MAST2: variants seen among roughly 807,000 people sequenced by gnomAD.
MAST2 encodes microtubule associated serine/threonine kinase 2.
In MAST2, 70 loss-of-function variants were observed where a neutral mutation model predicts 147.4. The ratio of observed to expected loss-of-function variants is 0.47; its 90% CI spans 0.39 to 0.58. MAST2 has a LOEUF of 0.58. Among genes scored for constraint, MAST2 ranks in the 20% least tolerant of loss-of-function variants. The pLI, the probability that MAST2 is intolerant of heterozygous loss-of-function variation, is 0.00. For synonymous variants in MAST2, 869 were observed against 896.8 expected, an observed-to-expected ratio of 0.97 and a Z score of 0.55; for missense variants, 2,080 against 2,302.3, an observed-to-expected ratio of 0.90 and a Z score of 1.98.
intron 3 of MAST2, among the ~76,000 whole-genome samples, chr1:45,837,627 C>T (rs982498839): frequency 6.6e-6 from 1 of 152,058 alleles, no homozygotes; most frequent in Non-Finnish European, 1.5e-5. Context: ...TTATTTCTCT[C>T]GGGTAAATAC....
chr1:46,027,892 G>T (rs529555131), intron 17 of MAST2, 29 bp downstream of exon 17: 1 of 1,612,532 alleles, frequency 6.2e-7, no homozygotes, highest in Non-Finnish European at 8.5e-7. Flanking sequence ...TACACTGGGG[G>T]TTAAATTCTA....
intron 6 of MAST2, among the ~76,000 whole-genome samples, chr1:46,002,035 C>A (rs183944011): frequency 1.3e-5 from 2 of 152,242 alleles, no homozygotes; most frequent in Admixed American, 1.3e-4. Flanking sequence ...ATCACACGTT[C>A]ATATTATAAA....
At chr1:45,848,441 G>A (rs1196854617) in intron 3 of MAST2, among the ~76,000 whole-genome samples, 1 of 152,174 alleles carries the variant, frequency 6.6e-6, no homozygotes, top group Non-Finnish European at 1.5e-5. Flanking sequence ...TAAAAACTTT[G>A]GACACTGAGT....
intron 4 of MAST2, among the ~76,000 whole-genome samples, chr1:45,898,852 C>T (rs1444399065): frequency 1.3e-5 from 2 of 152,178 alleles, no homozygotes; most frequent in African/African-American, 2.4e-5. Flanking sequence ...GAGTTGGCCA[C>T]CTCAAGGGAG....
At chr1:45,956,041 A>G (rs992728761) in intron 4 of MAST2, among the ~76,000 whole-genome samples, 1 of 152,126 alleles carries the variant, frequency 6.6e-6, no homozygotes, top group Non-Finnish European at 1.5e-5. Flanking sequence ...TTGGGCAACT[A>G]CTAATCTGCA....
intron 4 of MAST2, among the ~76,000 whole-genome samples, chr1:45,937,691 G>T (rs558077192): frequency 7.2e-6 from 1 of 139,410 alleles, no homozygotes; most frequent in East Asian, 2.4e-4. Flanking sequence ...GGTGGAGGTT[G>T]CAGTGAGCCG....
chr1:45,977,526 G>A (rs1644217488), intron 5 of MAST2, among the ~76,000 whole-genome samples: 1 of 147,318 alleles, frequency 6.8e-6, no homozygotes. Context: ...AAGGCCGGGT[G>A]CAGTGGCTCA....
intron 4 of MAST2, among the ~76,000 whole-genome samples, chr1:45,923,582 C>T (rs1189013885): frequency 1.3e-5 from 2 of 152,046 alleles, no homozygotes; most frequent in African/African-American, 4.8e-5. Flanking sequence ...ATAAATTGCT[C>T]AGGATAACAC....
intron 1 of MAST2, among the ~76,000 whole-genome samples, chr1:45,813,438 T>C (rs1644362011): frequency 6.6e-6 from 1 of 151,766 alleles, no homozygotes; most frequent in Non-Finnish European, 1.5e-5. Flanking sequence ...CAAGCAATTC[T>C]CCTGCCTCAG....
chr1:45,872,389 C>A (rs1646430859), intron 3 of MAST2, among the ~76,000 whole-genome samples: 1 of 151,846 alleles, frequency 6.6e-6, no homozygotes, highest in Admixed American at 6.6e-5. Flanking sequence ...TTTGTCTTTT[C>A]TTTGGAAATA....
intron 10 of MAST2, 105 bp from the exon 11 acceptor site, chr1:46,019,491 A>T (rs537740453): frequency 3.5e-6 from 3 of 846,682 alleles, no homozygotes; most frequent in South Asian, 3.1e-5. Flanking sequence ...GGAGCTCTCT[A>T]TGCTACCGAA....
intron 5 of MAST2, among the ~76,000 whole-genome samples, chr1:45,971,418 A>G (rs1303742940): frequency 6.6e-6 from 1 of 152,186 alleles, no homozygotes; most frequent in Admixed American, 6.5e-5. Context: ...AAACAGAGAG[A>G]GTCAGTGGGG....
At chr1:45,887,743 G>T (rs1647158976) in intron 4 of MAST2, among the ~76,000 whole-genome samples, 1 of 152,196 alleles carries the variant, frequency 6.6e-6, no homozygotes, top group Non-Finnish European at 1.5e-5. Context: ...AGTGGCGTCT[G>T]ATATAGGGCT....
intron 5 of MAST2, among the ~76,000 whole-genome samples, chr1:45,984,373 G>A (rs1571067682): frequency 6.6e-6 from 1 of 150,762 alleles, no homozygotes; most frequent in South Asian, 2.1e-4. Context: ...ACACAATCGT[G>A]GCTCACTGCA....
At chr1:45,850,705 A>T in intron 3 of MAST2, among the ~76,000 whole-genome samples, 1 of 152,264 alleles carries the variant, frequency 6.6e-6, no homozygotes, top group African/African-American at 2.4e-5. Flanking sequence ...TTTATTGAAT[A>T]GAGTCCTCTC....
At position 45,933,063 on chromosome 1, in the gene MAST2, TAAAA is replaced by T. The variant is rs61544126; in HGVS notation, c.501-26301_501-26298del. On this transcript the variant is annotated intron_variant, in intron 4 of 28. Coordinates refer to ENST00000361297, the MANE Select transcript of MAST2 (RefSeq NM_015112.3). ...GCAACTTAGTGAGACCCCATTTCTT[TAAAA>T]AAAAAAAAAAAAAAAAAAAAAGGCC... Among the ~76,000 whole-genome samples the T allele has an allele frequency of 5.7e-3, 499 of 88,254 alleles. 3 individuals are homozygous for T. Among genetic ancestry groups the T allele is most frequent in the African/African-American group, 0.019 (414 of 21,954 alleles). 57.9% of individuals were successfully genotyped at this position (88,254 alleles called of 152,430 possible).
intron 3 of MAST2, among the ~76,000 whole-genome samples, chr1:45,855,081 A>C (rs377196233): frequency 1.3e-5 from 2 of 152,162 alleles, no homozygotes; most frequent in African/African-American, 4.8e-5. Context: ...TCACATAGGC[A>C]TGATCCCCTT....
intron 4 of MAST2, among the ~76,000 whole-genome samples, chr1:45,916,101 C>T (rs191024971): frequency 8.5e-4 from 129 of 152,054 alleles, no homozygotes; most frequent in African/African-American, 3.0e-3. Context: ...TATTGTGTAC[C>T]CACCTGAGAA....
At chr1:45,957,210 G>A (rs1659779363) in intron 4 of MAST2, among the ~76,000 whole-genome samples, 1 of 152,106 alleles carries the variant, frequency 6.6e-6, no homozygotes, top group African/African-American at 2.4e-5. Context: ...ATAATTATTT[G>A]TGAGATTCAT....
Sources: allele counts gnomAD v4.1 joint callset (sites outside exome capture counted in the v4.1 genomes callset), GRCh38; gene constraint gnomAD v4.1.1; transcripts MANE v1.5; gene names NCBI Gene and HGNC (gene_info 2026-07-23, HGNC 2026-07-21).